LRP6: variants seen among roughly 807,000 people sequenced by gnomAD.
LRP6 encodes the protein low-density lipoprotein receptor-related protein 6.
Under a neutral mutation model 184.1 loss-of-function variants are expected in LRP6, and 43 were observed. The ratio of observed to expected loss-of-function variants is 0.23; its 90% CI spans 0.18 to 0.30. LRP6 has a LOEUF of 0.30. Among genes scored for constraint, LRP6 ranks in the 10% least tolerant of loss-of-function variants. The pLI, the probability that LRP6 is intolerant of heterozygous loss-of-function variation, is 1.00. For synonymous variants in LRP6, 719 were observed against 684.9 expected (o/e 1.05, Z -0.78); for missense variants, 1,571 against 2,005.3 (o/e 0.78, Z 4.14).
intron 12 of LRP6, chr12:12,155,766 G>A (rs1950143020): frequency 4.3e-6 from 4 of 933,926 alleles, no homozygotes; most frequent in South Asian, 2.6e-5. Context: ...ATGAATTCAT[G>A]GCATAATAGG....
At chr12:12,212,508 G>C (rs1864239166) in intron 2 of LRP6, among the ~76,000 whole-genome samples, 1 of 151,972 alleles carries the variant, frequency 6.6e-6, no homozygotes, top group African/African-American at 2.4e-5. Context: ...CCCTAAAATA[G>C]TGCATCCCCA....
intron 12 of LRP6, among the ~76,000 whole-genome samples, chr12:12,157,186 G>A (rs916582397): frequency 6.6e-6 from 1 of 152,020 alleles, no homozygotes; most frequent in Non-Finnish European, 1.5e-5. Context: ...TCTCTTCTCC[G>A]ATGATAGTCC....
intron 2 of LRP6, among the ~76,000 whole-genome samples, chr12:12,220,237 G>A (rs1190183719): frequency 3.3e-5 from 5 of 151,296 alleles, no homozygotes; most frequent in Non-Finnish European, 4.4e-5. Context: ...GCAGTGAGCT[G>A]AGATCATGCC....
chr12:12,133,216 T>G (rs1949781684), intron 17 of LRP6, among the ~76,000 whole-genome samples: 1 of 152,236 alleles, frequency 6.6e-6, no homozygotes, highest in African/African-American at 2.4e-5. Flanking sequence ...TACTTTGAAC[T>G]GCATGTCATG....
rs1949875600 is a variant in LRP6 at position 12,138,316 on chromosome 12, A to T, written c.3607+9T>A. The T allele has an allele frequency of 2.5e-6, 4 of 1,605,508 alleles. No homozygotes were observed. The highest frequency in any genetic ancestry group is 1.7e-5 in the Admixed American group (1 of 59,976). On this transcript the variant is annotated intron_variant, in intron 16 of 22. Transcript: ENST00000261349. ...TTCCTCCAATTAGCTTTATCCCATT[A>T]ACACTTACTGTATTCTTGAAGGTTC...
intron 3 of LRP6, among the ~76,000 whole-genome samples, chr12:12,199,015 A>G (rs1028207394): frequency 1.3e-5 from 2 of 152,198 alleles, no homozygotes; most frequent in African/African-American, 2.4e-5. Context: ...AATGTGCACT[A>G]GACACAAATA....
At position 12,164,514 on chromosome 12, in the gene LRP6, A is replaced by AGGCAGAGAT; in HGVS notation, c.1802_1810dup (p.His601_Cys603dup). ...ACAGCGAAGGCCCTGAGGTCTATAG[A>AGGCAGAGAT]GGCAGAGATGGCTACATCCCCCGTT... is the stretch of plus-strand genomic sequence containing the variant. On this transcript the variant is annotated inframe_insertion, in exon 9 of 23. Coordinates refer to ENST00000261349, the MANE Select transcript of LRP6 (RefSeq NM_002336.3). 6.2e-7 allele frequency: 1 copy of AGGCAGAGAT among 1,614,176 alleles called. No homozygotes were observed. The highest frequency in any genetic ancestry group is 1.3e-5 in the African/African-American group (1 of 75,056).
intron 1 of LRP6, among the ~76,000 whole-genome samples, chr12:12,251,027 T>C (rs1399728596): frequency 6.6e-6 from 1 of 151,978 alleles, no homozygotes; most frequent in African/African-American, 2.4e-5. Context: ...ACCTCCCAGG[T>C]TCAAGTGATT....
Position 12,126,904 on chromosome 12 carries a change from C to G in LRP6, c.4099G>C (p.Ala1367Pro). ...ELDCYPTEEPAPQATNTVGSV... is the reference protein window; with the variant it reads ...ELDCYPTEEPPPQATNTVGSV... ...CCAACTGTATTGGTGGCCTGTGGTG[C>G]TGGTTCTTCAGTCGGATCTACAATG... is the stretch of plus-strand genomic sequence containing the variant. The change falls in exon 20 of 23, where the codon GCA becomes CCA. Residue 1367 changes from alanine (A) to proline (P), a missense_variant. By Grantham distance (27) the Ala-to-Pro change is conservative. Transcript: ENST00000261349. The G allele has an allele frequency of 6.2e-7, 1 of 1,614,020 alleles. No homozygotes were observed. The highest frequency in any genetic ancestry group is 8.5e-7 in the Non-Finnish European group (1 of 1,179,932).
chr12:12,179,693 A>G (rs893147181), intron 7 of LRP6, 117 bp downstream of exon 7: 15 of 1,032,216 alleles, frequency 1.5e-5, no homozygotes, highest in Admixed American at 2.1e-5. Context: ...TGTAAAAGGT[A>G]CCTTTGGCAC....
chr12:12,163,004 C>G (rs1862776579), intron 9 of LRP6, among the ~76,000 whole-genome samples: 1 of 152,142 alleles, frequency 6.6e-6, no homozygotes, highest in Admixed American at 6.5e-5. Flanking sequence ...GAGACAGAGT[C>G]TCACTCTGTC....
At chr12:12,225,191 C>A (rs536547779) in intron 2 of LRP6, among the ~76,000 whole-genome samples, 1 of 152,004 alleles carries the variant, frequency 6.6e-6, no homozygotes, top group South Asian at 2.1e-4. Context: ...CCAGCCTGGG[C>A]GACAAAGCGA....
At position 12,266,951 on chromosome 12, in the gene LRP6, T is replaced by C. The variant is rs535719082; in HGVS notation, c.-216A>G. On this transcript the variant is annotated 5_prime_UTR_variant, in exon 1 of 23. Transcript: ENST00000261349. ...GCCCCGGGCTCGCGCGACGCCAGCG[T>C]CTGCTTCCATCCCGCCGCCTCCTCC... 9.0e-6 allele frequency: 5 copies of C among 558,564 alleles called. No homozygotes were observed. The highest frequency in any genetic ancestry group is 7.3e-5 in the Admixed American group (2 of 27,580). 34.6% of individuals were successfully genotyped at this position (558,564 alleles called of 1,614,324 possible). A position where few individuals can be genotyped will look rare whatever the true frequency, so the allele number is the denominator to read the frequency against.
chr12:12,160,110 C>G, intron 10 of LRP6, 146 bp from the exon 11 acceptor site: 2 of 631,720 alleles, frequency 3.2e-6, no homozygotes, highest in Non-Finnish European at 5.3e-6. Flanking sequence ...GGCTACAATG[C>G]TTTCAATTAT....
At position 12,147,657 on chromosome 12, in the gene LRP6, T is replaced by C. The variant is rs1950029049; in HGVS notation, c.3207-101A>G. 17 of 1,049,860 alleles carry C rather than the reference T, an allele frequency of 1.6e-5. 1 individual carries two copies. The highest frequency in any genetic ancestry group is 9.4e-5 in the South Asian group (7 of 74,354). The allele number at this position is 1,049,860 out of a possible 1,614,324, so 65.0% of individuals were successfully genotyped here. Reference sequence around the variant, plus strand: ...AATGGAGGTAGAGTATTTTTAAGTATTGTTTTTAAAAGTTTTAAAATACGT... The same window carrying C: ...AATGGAGGTAGAGTATTTTTAAGTACTGTTTTTAAAAGTTTTAAAATACGT... On this transcript the variant is annotated intron_variant, in intron 14 of 22. Coordinates refer to ENST00000261349, the MANE Select transcript of LRP6 (RefSeq NM_002336.3).
At chr12:12,200,282 T>C (rs777649024) in intron 3 of LRP6, among the ~76,000 whole-genome samples, 1 of 152,206 alleles carries the variant, frequency 6.6e-6, no homozygotes, top group Non-Finnish European at 1.5e-5. Flanking sequence ...ACATTCTTCC[T>C]GGCAGAAAGA....
At chr12:12,183,840 T>C (rs1441658063) in intron 5 of LRP6, 140 bp downstream of exon 5, 4 of 714,250 alleles carry the variant, frequency 5.6e-6, no homozygotes, top group Non-Finnish European at 9.9e-6. Context: ...ACTCCTATTC[T>C]ATAACCATGT....
intron 12 of LRP6, among the ~76,000 whole-genome samples, chr12:12,157,069 C>G (rs1862605214): frequency 6.6e-6 from 1 of 152,210 alleles, no homozygotes; most frequent in African/African-American, 2.4e-5. Context: ...ACCCACAAAG[C>G]CTATGAGAGA....
intron 1 of LRP6, among the ~76,000 whole-genome samples, chr12:12,247,895 T>TAATAAA (rs1865227795): frequency 6.6e-6 from 1 of 152,198 alleles, no homozygotes; most frequent in Admixed American, 6.5e-5. Context: ...CAGGAATCCT[T>TAATAAA]GTTTTCCTTT....
Sources: gnomAD v4.1 joint callset for allele counts (sites outside exome capture counted in the v4.1 genomes callset) on GRCh38, gnomAD v4.1.1 for gene constraint, MANE v1.5 for transcripts, NCBI Gene and HGNC (gene_info 2026-07-23, HGNC 2026-07-21) for gene names.